The following PRKCE variants were observed in gnomAD, a reference collection of about 807,000 sequenced individuals.
The protein encoded by PRKCE is protein kinase C epsilon type.
Under a neutral mutation model 85.4 loss-of-function variants are expected in PRKCE, and 16 were observed. The ratio of observed to expected loss-of-function variants is 0.19; its 90% confidence interval spans 0.13 to 0.28. PRKCE has a LOEUF of 0.28. Among genes scored for constraint, PRKCE ranks in the 10% least tolerant of loss-of-function variants. The pLI is 1.00. For missense variants in PRKCE, 573 were observed against 975.2 expected, an observed-to-expected ratio of 0.59 and a Z score of 5.49; for synonymous variants, 388 against 371.5, an observed-to-expected ratio of 1.04 and a Z score of -0.51.
intron 1 of PRKCE, among the ~76,000 whole-genome samples, chr2:45,783,719 G>T (rs1573341384): frequency 6.6e-6 from 1 of 152,318 alleles, no homozygotes; most frequent in East Asian, 1.9e-4. Flanking sequence ...ATCCTAACCT[G>T]TTCTCTGGTC....
At chr2:45,802,002 A>G (rs1687901583) in intron 1 of PRKCE, among the ~76,000 whole-genome samples, 2 of 151,834 alleles carry the variant, frequency 1.3e-5, no homozygotes, top group African/African-American at 2.4e-5. Flanking sequence ...TAATTCTAGC[A>G]CTTTAGGAAG....
At chr2:45,687,358 A>T (rs1177132980) in intron 1 of PRKCE, among the ~76,000 whole-genome samples, 1 of 152,268 alleles carries the variant, frequency 6.6e-6, no homozygotes, top group East Asian at 1.9e-4. Context: ...TTAAATATAC[A>T]GAAAGATATC....
At chr2:45,828,084 A>T (rs1690099611) in intron 1 of PRKCE, among the ~76,000 whole-genome samples, 1 of 152,254 alleles carries the variant, frequency 6.6e-6, no homozygotes. Context: ...ATGTTTGCCC[A>T]TTCCTGATCA....
At chr2:45,710,133 C>T (rs556757208) in intron 1 of PRKCE, among the ~76,000 whole-genome samples, 10 of 152,340 alleles carry the variant, frequency 6.6e-5, no homozygotes, top group African/African-American at 2.2e-4. Flanking sequence ...ATAGCACTGG[C>T]TAGGTGCTGG....
intron 14 of PRKCE, among the ~76,000 whole-genome samples, chr2:46,173,873 TAG>T (rs1251413787): frequency 2.0e-5 from 3 of 152,238 alleles, no homozygotes; most frequent in Admixed American, 6.5e-5. Context: ...ATACCTGAAG[TAG>T]AGTTTTCTTT....
chr2:46,088,344 C>T (rs947780957), intron 11 of PRKCE, among the ~76,000 whole-genome samples: 5 of 152,256 alleles, frequency 3.3e-5, no homozygotes, highest in Admixed American at 2.6e-4. Context: ...CTCTGTCCAG[C>T]CCCAAAACCC....
At chr2:46,055,405 C>T (rs912902575) in intron 10 of PRKCE, among the ~76,000 whole-genome samples, 21 of 152,338 alleles carry the variant, frequency 1.4e-4, no homozygotes, top group African/African-American at 5.1e-4. Flanking sequence ...GTTCTAGCGC[C>T]CGTGAACTCT....
At chr2:45,757,040 C>T (rs1684063423) in intron 1 of PRKCE, among the ~76,000 whole-genome samples, 1 of 152,048 alleles carries the variant, frequency 6.6e-6, no homozygotes. Flanking sequence ...CACTTGAGGT[C>T]AGGAGTTTGA....
At chr2:45,985,816 A>G (rs1703278645) in intron 6 of PRKCE, among the ~76,000 whole-genome samples, 1 of 152,166 alleles carries the variant, frequency 6.6e-6, no homozygotes, top group Non-Finnish European at 1.5e-5. Flanking sequence ...AGCTGGGGAC[A>G]CCTTAACTCG....
chr2:45,754,076 T>C (rs1047390105), intron 1 of PRKCE, among the ~76,000 whole-genome samples: 1 of 152,168 alleles, frequency 6.6e-6, no homozygotes. Flanking sequence ...AAATTTGCTT[T>C]TGTAGGCGTA....
intron 1 of PRKCE, among the ~76,000 whole-genome samples, chr2:45,841,014 C>T (rs1320399302): frequency 6.6e-6 from 1 of 152,136 alleles, no homozygotes; most frequent in Non-Finnish European, 1.5e-5. Flanking sequence ...AGAGCCTTTT[C>T]CCACCTCCAC....
chr2:45,781,262 A>G (rs1048144919), intron 1 of PRKCE, among the ~76,000 whole-genome samples: 1 of 152,056 alleles, frequency 6.6e-6, no homozygotes, highest in African/African-American at 2.4e-5. Context: ...GCTTGAGCCC[A>G]TGAGGTTGAG....
intron 6 of PRKCE, among the ~76,000 whole-genome samples, chr2:45,999,492 T>A (rs1182905052): frequency 6.6e-6 from 1 of 152,086 alleles, no homozygotes; most frequent in Non-Finnish European, 1.5e-5. Flanking sequence ...TCCTTTGACT[T>A]CTTTCAGCGT....
intron 13 of PRKCE, among the ~76,000 whole-genome samples, chr2:46,156,614 G>A (rs1429378763): frequency 6.6e-6 from 1 of 152,210 alleles, no homozygotes; most frequent in Admixed American, 6.5e-5. Context: ...ATGGCTCCCA[G>A]CCTCTTCCAT....
chr2:46,042,797 TG>T (rs1429268536), intron 10 of PRKCE, among the ~76,000 whole-genome samples: 1 of 152,244 alleles, frequency 6.6e-6, no homozygotes, highest in African/African-American at 2.4e-5. Flanking sequence ...TAATCAGGAA[TG>T]GTAACTCCAG....
intron 1 of PRKCE, among the ~76,000 whole-genome samples, chr2:45,837,269 T>A (rs910976512): frequency 6.6e-6 from 1 of 152,192 alleles, no homozygotes; most frequent in African/African-American, 2.4e-5. Flanking sequence ...GTTCTTTTAT[T>A]TTTTTAAGAC....
At chr2:45,702,343 T>C (rs757669525) in intron 1 of PRKCE, among the ~76,000 whole-genome samples, 13 of 152,224 alleles carry the variant, frequency 8.5e-5, no homozygotes, top group Admixed American at 2.0e-4. Flanking sequence ...GTCCCAGCTC[T>C]TGGGCAAGCT....
chr2:45,651,765 G>A lies in PRKCE; in HGVS notation c.-336G>A, dbSNP rs909285188. The A allele has an allele frequency of 9.8e-6, 2 of 204,176 alleles. No homozygotes were observed. The highest frequency in any genetic ancestry group is 2.0e-5 in the Non-Finnish European group (2 of 101,732). 12.6% of individuals were successfully genotyped at this position (204,176 alleles called of 1,614,324 possible). The stretch of plus-strand genomic sequence containing the variant: ...AGTCCGGAGCCGGAGAGCCAGCGAG[G>A]CGGCGAGGCAGCCCCCGCGGCTTGC... On this transcript the variant is annotated 5_prime_UTR_variant, in exon 1 of 15. Transcript: ENST00000306156.
intron 2 of PRKCE, among the ~76,000 whole-genome samples, chr2:45,961,451 G>A (rs1701370672): frequency 6.6e-6 from 1 of 152,148 alleles, no homozygotes; most frequent in Non-Finnish European, 1.5e-5. Flanking sequence ...TAACCCCATA[G>A]CCTTTAGGGC....
Sources: allele counts gnomAD v4.1 joint callset (sites outside exome capture counted in the v4.1 genomes callset), GRCh38; gene constraint gnomAD v4.1.1; transcripts MANE v1.5; gene names NCBI Gene and HGNC (gene_info 2026-07-23, HGNC 2026-07-21).